The following ZNF385C variants were observed in gnomAD, a reference collection of about 807,000 sequenced individuals.
ZNF385C encodes the protein CTD-2132N18.2.
A neutral mutation model predicts 35.4 loss-of-function variants in ZNF385C; 28 were observed. That is an observed-to-expected ratio of 0.79 (90% confidence interval 0.59 to 1.08). ZNF385C has a LOEUF of 1.08. Ranked by LOEUF, ZNF385C falls within the 50% of genes least tolerant of loss-of-function variation. The probability of loss-of-function intolerance (pLI) is 0.00; values close to 1 mark genes in which losing one functional copy is unlikely to be tolerated. For missense variants in ZNF385C, 605 were observed against 595.6 expected, an observed-to-expected ratio of 1.02 and a Z score of -0.16; for synonymous variants, 248 against 248.2, an observed-to-expected ratio of 1.00 and a Z score of 0.01.
chr17:42,082,618 C>T (rs373511974), intron 1 of ZNF385C, among the ~76,000 whole-genome samples: 14 of 152,348 alleles, frequency 9.2e-5, no homozygotes, highest in East Asian at 7.7e-4. Flanking sequence ...TGCTCCAGGA[C>T]GCCCTTTCCA....
chr17:42,079,382 CAAAAAAA>C (rs571676432), intron 1 of ZNF385C, among the ~76,000 whole-genome samples: 38 of 74,070 alleles, frequency 5.1e-4, no homozygotes, highest in African/African-American at 1.7e-3. Flanking sequence ...GACTCTGTCT[CAAAAAAA>C]AAAAAAAAAA....
intron 2 of ZNF385C, chr17:42,038,937 A>G (rs1479177767): frequency 6.6e-6 from 1 of 152,276 alleles, no homozygotes; most frequent in African/African-American, 2.4e-5. Flanking sequence ...GAGAAGAGAC[A>G]CTGCCAGGAG....
chr17:42,087,805 C>A (rs2053824515), intron 1 of ZNF385C, among the ~76,000 whole-genome samples: 1 of 152,200 alleles, frequency 6.6e-6, no homozygotes, highest in Non-Finnish European at 1.5e-5. Flanking sequence ...GTTGCACATA[C>A]AATAATGTCT....
At chr17:42,067,354 G>A (rs782522856) in intron 1 of ZNF385C, among the ~76,000 whole-genome samples, 3 of 152,086 alleles carry the variant, frequency 2.0e-5, no homozygotes, top group Non-Finnish European at 4.4e-5. Flanking sequence ...AAACTAACGC[G>A]CCATAGATCT....
At chr17:42,091,580 G>C (rs2053863695) in intron 1 of ZNF385C, among the ~76,000 whole-genome samples, 1 of 152,178 alleles carries the variant, frequency 6.6e-6, no homozygotes, top group Admixed American at 6.5e-5. Flanking sequence ...ACCTTCTTGG[G>C]GCTTGGCTCC....
intron 1 of ZNF385C, among the ~76,000 whole-genome samples, chr17:42,083,781 C>T (rs1432799226): frequency 5.3e-5 from 6 of 112,780 alleles, no homozygotes; most frequent in African/African-American, 1.4e-4. Context: ...TGCAATGGTG[C>T]GATCTCAGAT....
chr17:42,064,042 C>G (rs77865039), intron 1 of ZNF385C, among the ~76,000 whole-genome samples: 1 of 151,158 alleles, frequency 6.6e-6, no homozygotes, highest in East Asian at 2.0e-4. Flanking sequence ...CCCCTGCCCC[C>G]GCCCTGTCCC....
chr17:42,085,965 A>G (rs2143940593), intron 1 of ZNF385C, among the ~76,000 whole-genome samples: 1 of 152,108 alleles, frequency 6.6e-6, no homozygotes, highest in Non-Finnish European at 1.5e-5. Context: ...TCACTTGAGA[A>G]GTTGAGGTGG....
At chr17:42,059,223 C>T (rs2053425112) in intron 2 of ZNF385C, among the ~76,000 whole-genome samples, 1 of 152,222 alleles carries the variant, frequency 6.6e-6, no homozygotes, top group East Asian at 1.9e-4. Flanking sequence ...CAGTGCTGGT[C>T]ACTCCTCCTA....
Position 42,028,716 on chromosome 17 carries a change from C to A in ZNF385C, c.967+67G>T, listed in dbSNP as rs2052656445. On this transcript the variant is annotated intron_variant, in intron 6 of 8. Transcript: ENST00000692273. The stretch of plus-strand genomic sequence containing the variant: ...GAAGCACCCAGGAACTCAAGCCTGC[C>A]CTCATCTGGCGAGGCTTAGCTTCTG... 3 of 1,497,810 alleles carry A rather than the reference C, an allele frequency of 2.0e-6. No homozygotes were observed. The Admixed American group carries it at 6.3e-5, about 32-fold the overall frequency. 92.8% of individuals were successfully genotyped at this position (1,497,810 alleles called of 1,614,324 possible). A position where few individuals can be genotyped will look rare whatever the true frequency, so the allele number is the denominator to read the frequency against.
At position 42,031,676 on chromosome 17, in the gene ZNF385C, C is replaced by A. The variant is rs575650378; in HGVS notation, c.619G>T (p.Val207Leu). 162 of 1,550,670 alleles carry A rather than the reference C, an allele frequency of 1.0e-4. 2 individuals are homozygous for A. In the South Asian group the frequency reaches 1.8e-3, roughly 17 times the overall value. Residue 207 changes from valine to leucine, a missense_variant, in exon 5 of 9, where the codon GTA becomes TTA. By Grantham distance (32) the Val-to-Leu change is conservative (BLOSUM62 1). Coordinates refer to ENST00000692273, the MANE Select transcript of ZNF385C (RefSeq NM_001392013.1). Reference protein sequence around the residue: ...RPHTQAQDGAVVSPIPTLASG... With the variant: ...RPHTQAQDGALVSPIPTLASG... ...GCCAGCGTTGGGATTGGGGACACTA[C>A]AGCCCCATCCTGGGCCTGGGTGTGT...
intron 1 of ZNF385C, among the ~76,000 whole-genome samples, chr17:42,073,297 G>A (rs2053650576): frequency 6.6e-6 from 1 of 152,156 alleles, no homozygotes; most frequent in African/African-American, 2.4e-5. Context: ...TTAGCCGGGG[G>A]TAGTGGCACG....
chr17:42,091,919 G>T (rs2053866779), intron 1 of ZNF385C, among the ~76,000 whole-genome samples: 1 of 152,182 alleles, frequency 6.6e-6, no homozygotes, highest in African/African-American at 2.4e-5. Flanking sequence ...GTGAGGGGGA[G>T]ATTCAGGAAG....
chr17:42,043,274 C>T, intron 2 of ZNF385C: 2 of 1,232,274 alleles, frequency 1.6e-6, no homozygotes, highest in Non-Finnish European at 2.0e-6. Flanking sequence ...TAGTCAAAGT[C>T]CAGCCAGGTA....
intron 1 of ZNF385C, among the ~76,000 whole-genome samples, chr17:42,078,134 G>A (rs2053704305): frequency 1.3e-5 from 2 of 152,108 alleles, no homozygotes; most frequent in Admixed American, 1.3e-4. Flanking sequence ...GTGCTAATTG[G>A]TTTGCTTCTG....
intron 2 of ZNF385C, chr17:42,039,403 C>G (rs1360729459): frequency 3.3e-6 from 1 of 304,072 alleles, no homozygotes; most frequent in Non-Finnish European, 6.0e-6. Context: ...TGCCCCGAGT[C>G]CAGAAGGGAA....
chr17:42,084,665 C>CA (rs1182935696), intron 1 of ZNF385C, among the ~76,000 whole-genome samples: 2 of 151,970 alleles, frequency 1.3e-5, no homozygotes, highest in Admixed American at 1.3e-4. Flanking sequence ...GGCTAGAGTA[C>CA]AGTGGTATGA....
chr17:42,034,847 C>T (rs2052810329), intron 3 of ZNF385C, among the ~76,000 whole-genome samples: 1 of 150,540 alleles, frequency 6.6e-6, no homozygotes, highest in African/African-American at 2.4e-5. Context: ...AAACAGCTGC[C>T]TGGGTGCAGT....
chr17:42,037,992 G>A, intron 2 of ZNF385C, 107 bp from the exon 3 acceptor site: 1 of 1,538,864 alleles, frequency 6.5e-7, no homozygotes. Flanking sequence ...AGAAACCTGT[G>A]TCTCTCTTCA....
Sources: allele counts gnomAD v4.1 joint callset (sites outside exome capture counted in the v4.1 genomes callset), GRCh38; gene constraint gnomAD v4.1.1; transcripts MANE v1.5; gene names NCBI Gene and HGNC (gene_info 2026-07-23, HGNC 2026-07-21).